Variants in COL10A1 observed in about 807,000 individuals in gnomAD.
COL10A1 encodes collagen type X alpha 1 chain.
In COL10A1, 10 loss-of-function variants were observed where a neutral mutation model predicts 18.2. The observed-to-expected ratio is 0.55, with a 90% CI of 0.34 to 0.93. COL10A1 has a LOEUF of 0.93. COL10A1 is among the 40% of genes least tolerant of loss of function. COL10A1 has a pLI of 0.02. For missense variants in COL10A1, 897 were observed against 853.5 expected, an observed-to-expected ratio of 1.05 and a Z score of -0.64; for synonymous variants, 330 against 316.6, an observed-to-expected ratio of 1.04 and a Z score of -0.45.
chr6:116,170,602 A>G, the COL10A1 span, among the ~76,000 whole-genome samples: 3 of 152,186 alleles, frequency 2.0e-5, no homozygotes, highest in African/African-American at 7.2e-5. Context: ...TCACTTTTAA[A>G]TTCTAAATAG....
At chr6:116,154,532 A>G (rs1464107548) in intron 1 of COL10A1, among the ~76,000 whole-genome samples, 3 of 151,620 alleles carry the variant, frequency 2.0e-5, no homozygotes, top group Non-Finnish European at 4.4e-5. Context: ...AATGCTGATG[A>G]AAAAAAAATA....
intron 1 of COL10A1, among the ~76,000 whole-genome samples, chr6:116,139,068 C>CA (rs1779697468): frequency 6.6e-6 from 1 of 151,490 alleles, no homozygotes; most frequent in Non-Finnish European, 1.5e-5. Context: ...AGTGCAACTA[C>CA]AAAAAAAGAT....
chr6:116,121,573 G>A lies in COL10A1; in HGVS notation c.543C>T (p.Val181=), dbSNP rs754927069. ...CCCCTTTCTGTCCATTCATACCAGGGACTCCTGGTGCACCCTTTTCTCCAG... is the reference window on the plus strand; with the variant it reads ...CCCCTTTCTGTCCATTCATACCAGGAACTCCTGGTGCACCCTTTTCTCCAG... The part of the protein sequence containing the change: ...GFPGEKGAPG[V]PGMNGQKGEM... The change falls in exon 3 of 3, where the codon GTC becomes GTT. Residue 181 remains valine, a synonymous_variant. Transcript: ENST00000651968. 1 of 1,613,950 alleles carries A rather than the reference G, an allele frequency of 6.2e-7. No individual in the cohort carries two copies. Among genetic ancestry groups the A allele is most frequent in the Non-Finnish European group, 8.5e-7 (1 of 1,179,962 alleles).
At chr6:116,167,206 A>ATTTTTTTTTTTTTTTTTTTTT in the COL10A1 span, among the ~76,000 whole-genome samples, 2 of 87,796 alleles carry the variant, frequency 2.3e-5, no homozygotes, top group African/African-American at 4.9e-5. Flanking sequence ...CAAATAGAAG[A>ATTTTTTTTTTTTTTTTTTTTT]TTTTTTTTTT....
intron 1 of COL10A1, among the ~76,000 whole-genome samples, chr6:116,156,709 A>T (rs993349455): frequency 6.6e-6 from 1 of 152,226 alleles, no homozygotes; most frequent in Non-Finnish European, 1.5e-5. Context: ...GTACTTTCAT[A>T]ATATTTGCTT....
At chr6:116,139,431 T>C (rs1249898409) in intron 1 of COL10A1, among the ~76,000 whole-genome samples, 2 of 152,168 alleles carry the variant, frequency 1.3e-5, no homozygotes, top group African/African-American at 2.4e-5. Context: ...AATCCACCTA[T>C]TTGTATACTT....
chr6:116,157,157 A>G (rs1780216756), intron 1 of COL10A1, among the ~76,000 whole-genome samples: 1 of 152,156 alleles, frequency 6.6e-6, no homozygotes, highest in Non-Finnish European at 1.5e-5. Flanking sequence ...CTTTGGTAAT[A>G]TGTGTATCCC....
intron 1 of COL10A1, among the ~76,000 whole-genome samples, chr6:116,143,435 A>G (rs962482498): frequency 6.6e-6 from 1 of 151,990 alleles, no homozygotes; most frequent in African/African-American, 2.4e-5. Flanking sequence ...GATGGTCTTG[A>G]TCTCTTAACC....
chr6:116,136,494 C>T (rs1374947311), intron 1 of COL10A1, among the ~76,000 whole-genome samples: 1 of 151,790 alleles, frequency 6.6e-6, no homozygotes, highest in Non-Finnish European at 1.5e-5. Context: ...GAAAATGAAG[C>T]TTATTAAGTG....
In COL10A1 at chr6:116,120,864, G is replaced by A. The variant is rs753725049; in HGVS notation, c.1252C>T (p.Pro418Ser). The A allele has an allele frequency of 8.1e-6, 13 of 1,613,800 alleles. No homozygotes were observed. The Admixed American group carries it at 1.8e-4, about 23-fold the overall frequency. Residue 418 changes from proline (P) to serine (S), a missense_variant, in exon 3 of 3, where the codon CCT becomes TCT. Pro to Ser is a moderately conservative substitution (Grantham distance 74). Coordinates refer to ENST00000651968, the MANE Select transcript of COL10A1 (RefSeq NM_000493.4). The part of the protein sequence containing the change: ...PKGDPGVGGP[P>S]GLPGPVGPAG... ...GGGCCCACAGGGCCTGGGAGACCAG[G>A]AGGTCCTCCAACTCCAGGATCACCT...
chr6:116,180,201 T>C, the COL10A1 span, among the ~76,000 whole-genome samples: 1 of 152,082 alleles, frequency 6.6e-6, no homozygotes, highest in African/African-American at 2.4e-5. Flanking sequence ...TTTATTTAAA[T>C]GTTTTCTTAA....
At chr6:116,122,674 G>A (rs1316064486) in intron 2 of COL10A1, among the ~76,000 whole-genome samples, 1 of 152,228 alleles carries the variant, frequency 6.6e-6, no homozygotes, top group Admixed American at 6.5e-5. Context: ...CCTGTGATGT[G>A]AAAAATGCGG....
At position 116,120,082 on chromosome 6, in the gene COL10A1, A is replaced by AAT; in HGVS notation, c.2033_2034insAT (p.Pro679PhefsTer9). The AAT allele has an allele frequency of 6.2e-7, 1 of 1,613,714 alleles. No homozygotes were observed. Among genetic ancestry groups the AAT allele is most frequent in the Non-Finnish European group, 8.5e-7 (1 of 1,179,768 alleles). On this transcript the variant is annotated frameshift_variant, in exon 3 of 3. Coordinates refer to ENST00000651968, the MANE Select transcript of COL10A1 (RefSeq NM_000493.4). LOFTEE classifies it high-confidence loss of function. ...TTAGCTCTGTGTGTACTCACATTGG[A>AAT]GCCACTAGGAATCCTGAGAAAGAGG...
chr6:116,151,691 A>G (rs1780043499), intron 1 of COL10A1, among the ~76,000 whole-genome samples: 1 of 152,138 alleles, frequency 6.6e-6, no homozygotes, highest in Admixed American at 6.5e-5. Flanking sequence ...ATAATTTTAT[A>G]TTTCTCTTTC....
chr6:116,188,967 A>G, the COL10A1 span, among the ~76,000 whole-genome samples: 1 of 151,964 alleles, frequency 6.6e-6, no homozygotes, highest in South Asian at 2.1e-4. Context: ...GATAAATAAA[A>G]CATTATCATT....
At chr6:116,168,429 A>G in the COL10A1 span, among the ~76,000 whole-genome samples, 1 of 151,984 alleles carries the variant, frequency 6.6e-6, no homozygotes, top group East Asian at 1.9e-4. Flanking sequence ...CAGTTCTAGA[A>G]TTCCATTTAG....
rs1056868054 is a variant in COL10A1 at position 116,119,926 on chromosome 6, A to G, written c.*147T>C. On this transcript the variant is annotated 3_prime_UTR_variant, in exon 3 of 3. Transcript: ENST00000651968. Reference sequence around the variant, plus strand: ...CGTTGCTGCTCACTTTTCAGGGGGAAGGTTTGTTGGTCTGATAGCTCAAAT... The same window carrying G: ...CGTTGCTGCTCACTTTTCAGGGGGAGGGTTTGTTGGTCTGATAGCTCAAAT... The G allele has an allele frequency of 4.0e-6, 3 of 752,660 alleles. No individual in the cohort carries two copies. In the African/African-American group the frequency reaches 5.2e-5, roughly 13 times the overall value. 46.6% of individuals were successfully genotyped at this position (752,660 alleles called of 1,614,324 possible).
chr6:116,159,512 G>T (rs946575218), upstream of COL10A1, among the ~76,000 whole-genome samples: 6 of 151,992 alleles, frequency 3.9e-5, no homozygotes, highest in African/African-American at 1.5e-4. Context: ...TATATCTGTC[G>T]GGTATTCTGG....
At chr6:116,209,865 T>A in the COL10A1 span, among the ~76,000 whole-genome samples, 2 of 152,116 alleles carry the variant, frequency 1.3e-5, no homozygotes, top group South Asian at 4.1e-4. Flanking sequence ...AGCATTTGAT[T>A]TCTGCTTCTG....
Sources: gnomAD v4.1 joint callset for allele counts (sites outside exome capture counted in the v4.1 genomes callset) on GRCh38, gnomAD v4.1.1 for gene constraint, MANE v1.5 for transcripts, NCBI Gene and HGNC (gene_info 2026-07-23, HGNC 2026-07-21) for gene names.